The following METTL8 variants were observed in gnomAD, a reference collection of about 807,000 sequenced individuals.
METTL8 encodes the protein methyltransferase 8, tRNA N3-cytidine, also known as tRNA N(3)-cytidine methyltransferase METTL8, mitochondrial.
In METTL8, 32 loss-of-function variants were observed where a neutral mutation model predicts 48.7. The observed-to-expected ratio is 0.66, with a 90% confidence interval of 0.50 to 0.88. METTL8 has a LOEUF of 0.88. Ranked by LOEUF, METTL8 falls within the 40% of genes least tolerant of loss-of-function variation. The probability of loss-of-function intolerance (pLI) is 0.00; values close to 1 mark genes in which losing one functional copy is unlikely to be tolerated. For synonymous variants in METTL8, 136 were observed against 157.1 expected, an observed-to-expected ratio of 0.87 and a Z score of 1.01; for missense variants, 464 against 474.4, an observed-to-expected ratio of 0.98 and a Z score of 0.20.
At chr2:171,353,499 C>T (rs1029325816) in intron 3 of METTL8, among the ~76,000 whole-genome samples, 1 of 152,174 alleles carries the variant, frequency 6.6e-6, no homozygotes, top group African/African-American at 2.4e-5. Context: ...TGCTGCAGAG[C>T]TGAGTTCAAT....
chr2:171,321,219 T>C lies in METTL8; in HGVS notation c.*2953A>G, dbSNP rs1684508068. The C allele has an allele frequency of 6.6e-6, 1 of 152,222 alleles. No homozygotes were observed. The highest frequency in any genetic ancestry group is 1.5e-5 in the Non-Finnish European group (1 of 68,064). The allele number at this position is 152,222 out of a possible 1,614,324, so 9.4% of individuals were successfully genotyped here. On this transcript the variant is annotated 3_prime_UTR_variant, in exon 10 of 10. Transcript: ENST00000375258. ...ACTGGACAGCATCCCTCCCCTGGTG[T>C]TTTTTGACAGCAGTGTCTTGATTTT...
At chr2:171,432,010 C>G (rs540767085) in intron 1 of METTL8, among the ~76,000 whole-genome samples, 4 of 152,220 alleles carry the variant, frequency 2.6e-5, no homozygotes, top group African/African-American at 9.6e-5. Flanking sequence ...TTGGAGCAAC[C>G]AGCTGGATAC....
chr2:171,360,522 A>G lies in METTL8; in HGVS notation c.144-9T>C. 1.2e-6 allele frequency: 2 copies of G among 1,607,924 alleles called. No homozygotes were observed. Among genetic ancestry groups the G allele is most frequent in the Non-Finnish European group, 1.7e-6 (2 of 1,178,038 alleles). On this transcript the variant is annotated splice_polypyrimidine_tract_variant and intron_variant, in intron 2 of 9. Coordinates refer to ENST00000375258, the MANE Select transcript of METTL8 (RefSeq NM_001321154.2). ...ACCACTGCATGTGATCCCTATTAAA[A>G]AAAAATAGACTGTAAAATATGCTTT... is the stretch of plus-strand genomic sequence containing the variant.
At chr2:171,398,645 A>C (rs553971834) in intron 1 of METTL8, among the ~76,000 whole-genome samples, 56 of 152,320 alleles carry the variant, frequency 3.7e-4, no homozygotes, top group Non-Finnish European at 6.9e-4. Flanking sequence ...GACTACAGTT[A>C]ATAATATTGT....
At position 171,320,088 on chromosome 2, in the gene METTL8, T is replaced by A. The variant is rs1007465396; in HGVS notation, c.*4084A>T. On this transcript the variant is annotated 3_prime_UTR_variant, in exon 10 of 10. Transcript: ENST00000375258. ...AAGCAGTTACATTTGCAACGCTTCA[T>A]GATTTCTTAACATCTATAGACAAAA... The A allele has an allele frequency of 6.6e-6, 1 of 152,202 alleles. No individual in the cohort carries two copies. Among genetic ancestry groups the A allele is most frequent in the African/African-American group, 2.4e-5 (1 of 41,456 alleles). 9.4% of individuals were successfully genotyped at this position (152,202 alleles called of 1,614,324 possible).
chr2:171,372,796 C>T (rs2105506216), intron 2 of METTL8, among the ~76,000 whole-genome samples: 1 of 152,264 alleles, frequency 6.6e-6, no homozygotes, highest in South Asian at 2.1e-4. Context: ...ATCCATGTCC[C>T]TACAAAGGAC....
At chr2:171,368,773 A>T (rs1246501670) in intron 2 of METTL8, among the ~76,000 whole-genome samples, 1 of 152,144 alleles carries the variant, frequency 6.6e-6, no homozygotes, top group Non-Finnish European at 1.5e-5. Context: ...CCTGTGGAGC[A>T]GTCTTGTAGT....
intron 7 of METTL8, among the ~76,000 whole-genome samples, chr2:171,329,413 G>A (rs1685295477): frequency 6.6e-6 from 1 of 152,152 alleles, no homozygotes; most frequent in South Asian, 2.1e-4. Context: ...TGTCAATGGG[G>A]AATCTTGTTC....
chr2:171,429,266 A>T (rs1170247234), intron 1 of METTL8, among the ~76,000 whole-genome samples: 1 of 152,232 alleles, frequency 6.6e-6, no homozygotes, highest in African/African-American at 2.4e-5. Context: ...TCATTGATAC[A>T]TGTTAATGAG....
At chr2:171,340,314 C>T (rs990190368) in intron 3 of METTL8, among the ~76,000 whole-genome samples, 5 of 151,144 alleles carry the variant, frequency 3.3e-5, no homozygotes, top group Admixed American at 1.3e-4. Flanking sequence ...CCAGCCTGGC[C>T]AACATGTTGA....
intron 5 of METTL8, chr2:171,332,386 T>G (rs1184433386): frequency 6.5e-6 from 1 of 153,056 alleles, no homozygotes; most frequent in East Asian, 1.9e-4. Context: ...GCTCAAGTGA[T>G]TCTCCCGCCT....
intron 2 of METTL8, chr2:171,374,890 C>A: frequency 1.1e-6 from 1 of 942,696 alleles, no homozygotes; most frequent in Non-Finnish European, 1.7e-6. Flanking sequence ...TTATTTTTCT[C>A]CAGAGAATAG....
At position 171,319,564 on chromosome 2, in the gene METTL8, C is replaced by T. The variant is rs188760660; in HGVS notation, c.*4608G>A. On this transcript the variant is annotated 3_prime_UTR_variant, in exon 10 of 10. Transcript: ENST00000375258. ...TCACGTACAAGCTAGAGTACAGCAA[C>T]GACTTAGAATCACACACGGGTAGAA... The T allele has an allele frequency of 2.2e-4, 34 of 152,290 alleles. No homozygotes were observed. The highest frequency in any genetic ancestry group is 4.0e-4 in the Non-Finnish European group (27 of 68,028). The allele number at this position is 152,290 out of a possible 1,614,324, so 9.4% of individuals were successfully genotyped here. A position where few individuals can be genotyped will look rare whatever the true frequency, so the allele number is the denominator to read the frequency against.
At chr2:171,339,845 ACTTT>A (rs1323454528) in intron 3 of METTL8, among the ~76,000 whole-genome samples, 3 of 152,206 alleles carry the variant, frequency 2.0e-5, no homozygotes, top group Admixed American at 6.5e-5. Flanking sequence ...ACTGCAAACA[ACTTT>A]CTAATTTTAT....
intron 1 of METTL8, among the ~76,000 whole-genome samples, chr2:171,432,189 T>C (rs1163624525): frequency 6.6e-6 from 1 of 151,502 alleles, no homozygotes; most frequent in African/African-American, 2.4e-5. Flanking sequence ...CCTGGGTAGG[T>C]CTCCAGCTGC....
intron 7 of METTL8, chr2:171,327,209 G>A (rs762186089): frequency 5.9e-5 from 9 of 152,158 alleles, no homozygotes; most frequent in Non-Finnish European, 1.3e-4. Context: ...CTACTTATTT[G>A]GCTTCCAGTC....
At chr2:171,376,674 A>G (rs1402673873) in intron 2 of METTL8, among the ~76,000 whole-genome samples, 1 of 152,184 alleles carries the variant, frequency 6.6e-6, no homozygotes, top group African/African-American at 2.4e-5. Flanking sequence ...AAGGAAAACT[A>G]CAAAACACTG....
intron 2 of METTL8, among the ~76,000 whole-genome samples, chr2:171,372,297 T>G (rs887097805): frequency 6.6e-6 from 1 of 151,944 alleles, no homozygotes; most frequent in Non-Finnish European, 1.5e-5. Flanking sequence ...CATTTTTTTT[T>G]TAAATTAAAA....
chr2:171,327,206 T>A (rs999541194), intron 7 of METTL8: 1 of 152,266 alleles, frequency 6.6e-6, no homozygotes, highest in South Asian at 2.1e-4. Context: ...ATTCTACTTA[T>A]TTGGCTTCCA....
Sources: gnomAD v4.1 joint callset for allele counts (sites outside exome capture counted in the v4.1 genomes callset) on GRCh38, gnomAD v4.1.1 for gene constraint, MANE v1.5 for transcripts, NCBI Gene and HGNC (gene_info 2026-07-23, HGNC 2026-07-21) for gene names.